The following REV1 variants were observed in gnomAD, a reference collection of about 807,000 sequenced individuals.
REV1 encodes the protein REV1 DNA directed polymerase.
In REV1, 42 loss-of-function variants were observed where a neutral mutation model predicts 137.4. That is an observed-to-expected ratio of 0.31 (90% CI 0.24 to 0.40). The LOEUF is 0.40. REV1 is among the 10% of genes least tolerant of loss of function. REV1 has a pLI of 1.00. For missense variants in REV1, 1,282 were observed against 1,490.1 expected (o/e 0.86, Z 2.30); for synonymous variants, 524 against 519.2 (o/e 1.01, Z -0.12).
chr2:99,488,704 G>T lies in REV1; in HGVS notation c.-11+1113C>A, dbSNP rs572404077. ...TGAAAGGTTGGTGGACAGATAGATG[G>T]TTCCCACAGGCTGATTTGCTACATA... On this transcript the variant is annotated intron_variant, in intron 1 of 22. Transcript: ENST00000258428. Among the ~76,000 whole-genome samples the T allele has an allele frequency of 6.6e-5, 10 of 152,302 alleles. No individual in the cohort carries two copies. In the East Asian group the frequency reaches 1.9e-3, roughly 29 times the overall value.
At position 99,442,494 on chromosome 2, in the gene REV1, T is replaced by C. The variant is rs756951991; in HGVS notation, c.351-25A>G. 1.3e-5 allele frequency: 21 copies of C among 1,608,440 alleles called. No homozygotes were observed. The South Asian group carries it at 2.2e-4, about 17-fold the overall frequency. ...GCTGAAACAAAAAGCAACACCAATT[T>C]AGAGTTCCATACTTGGTGACAATGA... On this transcript the variant is annotated intron_variant, in intron 4 of 22. Transcript: ENST00000258428.
chr2:99,428,969 G>A (rs934192867), intron 9 of REV1, among the ~76,000 whole-genome samples: 1 of 147,964 alleles, frequency 6.8e-6, no homozygotes, highest in Non-Finnish European at 1.5e-5. Context: ...TCCAGCCTGG[G>A]TGACAGAGCG....
chr2:99,405,329 T>TA (rs1676125811), intron 17 of REV1: 1 of 152,746 alleles, frequency 6.5e-6, no homozygotes, highest in Non-Finnish European at 1.5e-5. Flanking sequence ...TCTGTCGCCA[T>TA]ACAAGCATAT....
intron 1 of REV1, among the ~76,000 whole-genome samples, chr2:99,485,322 A>G (rs967579753): frequency 6.6e-6 from 1 of 152,210 alleles, no homozygotes; most frequent in African/African-American, 2.4e-5. Context: ...TATCTGCTAA[A>G]GAAAAATAAA....
chr2:99,409,090 C>T (rs1349052622), intron 14 of REV1, among the ~76,000 whole-genome samples: 1 of 152,114 alleles, frequency 6.6e-6, no homozygotes, highest in East Asian at 1.9e-4. Flanking sequence ...GCCTGGGCAA[C>T]AGAGCGAGAT....
rs193027923 is a variant in REV1, at chr2:99,454,660, C to A, written c.182-5156G>T. 5.3e-5 allele frequency among the ~76,000 whole-genome samples: 8 copies of A among 150,734 alleles called. No individual in the cohort carries two copies. The East Asian group carries it at 1.6e-3, about 30-fold the overall frequency. ...CTCAGGAGGCTGAGGCAGGAAGATCCGTTGAGCTCAGGAGTTTGGGGCTGC... is the reference window on the plus strand; with the variant it reads ...CTCAGGAGGCTGAGGCAGGAAGATCAGTTGAGCTCAGGAGTTTGGGGCTGC... On this transcript the variant is annotated intron_variant, in intron 3 of 22. Coordinates refer to ENST00000258428, the MANE Select transcript of REV1 (RefSeq NM_016316.4).
rs774570960 is a variant in REV1 at position 99,403,044 on chromosome 2, T to C, written c.3229A>G (p.Lys1077Glu). 1.4e-5 allele frequency: 23 copies of C among 1,613,862 alleles called. No individual in the cohort carries two copies. The highest frequency in any genetic ancestry group is 8.0e-5 in the African/African-American group (6 of 74,868). ...CTTTTTGGTGAACCAATGGTTTTTT[T>C]CTTCTTGTTTCTTTTCTTTTCTTTC... is the stretch of plus-strand genomic sequence containing the variant. ...AVKEKKRNKKKKTIGSPKRIQ... is the reference protein window; with the variant it reads ...AVKEKKRNKKEKTIGSPKRIQ... The change falls in exon 20 of 23, where the codon AAA (lysine) becomes GAA (glutamate). Residue 1077 changes from lysine to glutamate, a missense_variant. This residue lies in a region of REV1 where 170 missense variants were observed against 156.8 expected (regional missense o/e 1.08). Transcript: ENST00000258428.
chr2:99,403,543 A>ATT, intron 19 of REV1, 152 bp downstream of exon 19: 1 of 900,440 alleles, frequency 1.1e-6, no homozygotes, highest in Non-Finnish European at 1.7e-6. Context: ...GATGATATTT[A>ATT]CTCATACTGT....
chr2:99,447,449 C>T (rs1682367410), intron 4 of REV1, among the ~76,000 whole-genome samples: 1 of 152,156 alleles, frequency 6.6e-6, no homozygotes, highest in South Asian at 2.1e-4. Flanking sequence ...GGATTACAGG[C>T]GTGAGCCACC....
intron 10 of REV1, among the ~76,000 whole-genome samples, chr2:99,422,906 T>C (rs1335012010): frequency 1.3e-5 from 2 of 152,146 alleles, no homozygotes; most frequent in African/African-American, 4.8e-5. Context: ...CCCATCCCTA[T>C]CTAGCCCTCG....
At chr2:99,427,178 T>C (rs1436170949) in intron 9 of REV1, among the ~76,000 whole-genome samples, 3 of 152,074 alleles carry the variant, frequency 2.0e-5, no homozygotes, top group East Asian at 1.9e-4. Flanking sequence ...CAAGACTTCA[T>C]CTCTGGGGGA....
chr2:99,403,476 G>C, intron 19 of REV1: 1 of 634,088 alleles, frequency 1.6e-6, no homozygotes, highest in South Asian at 2.2e-5. Context: ...TTTTTAAAAA[G>C]TAAAAAGTGG....
intron 7 of REV1, 135 bp downstream of exon 7, chr2:99,435,699 C>A: frequency 9.2e-6 from 5 of 544,766 alleles, no homozygotes; most frequent in Non-Finnish European, 1.3e-5. Flanking sequence ...CCCTGATAAT[C>A]GAATATAGAA....
chr2:99,474,989 T>G (rs1685813658), intron 1 of REV1, among the ~76,000 whole-genome samples: 2 of 152,252 alleles, frequency 1.3e-5, no homozygotes, highest in Admixed American at 1.3e-4. Context: ...CAAGTCATAA[T>G]CAGTCATATT....
chr2:99,479,891 G>A (rs1257500008), intron 1 of REV1, among the ~76,000 whole-genome samples: 2 of 152,148 alleles, frequency 1.3e-5, no homozygotes, highest in African/African-American at 4.8e-5. Flanking sequence ...AGACACCCAA[G>A]AAAGCATCAC....
intron 14 of REV1, among the ~76,000 whole-genome samples, chr2:99,409,147 A>G (rs1676745064): frequency 6.6e-6 from 1 of 152,180 alleles, no homozygotes; most frequent in African/African-American, 2.4e-5. Context: ...ATAAATGACC[A>G]CTATTTACTA....
chr2:99,402,445 T>TCACTAA (rs1481900989), intron 21 of REV1, 99 bp from the exon 22 acceptor site: 1 of 791,116 alleles, frequency 1.3e-6, no homozygotes, highest in South Asian at 1.6e-5. Context: ...TACAACTATG[T>TCACTAA]CACTAACAGC....
intron 11 of REV1, among the ~76,000 whole-genome samples, chr2:99,421,016 A>G (rs1015792908): frequency 1.2e-4 from 18 of 152,190 alleles, no homozygotes; most frequent in African/African-American, 3.9e-4. Context: ...AACAAAGTAC[A>G]AGGTTTAAAG....
Position 99,442,473 on chromosome 2 carries a change from A to T in REV1, c.351-4T>A. On this transcript the variant is annotated splice_region_variant and splice_polypyrimidine_tract_variant and intron_variant, in intron 4 of 22. Transcript: ENST00000258428. ...GAGGAGTCGTCCAGCTTTGATGCTGAAACAAAAAGCAACACCAATTTAGAG... is the reference window on the plus strand; with the variant it reads ...GAGGAGTCGTCCAGCTTTGATGCTGTAACAAAAAGCAACACCAATTTAGAG... 6.2e-7 allele frequency: 1 copy of T among 1,611,088 alleles called. No individual in the cohort carries two copies. Among genetic ancestry groups the T allele is most frequent in the Non-Finnish European group, 8.5e-7 (1 of 1,179,108 alleles).
Sources: allele counts gnomAD v4.1 joint callset (sites outside exome capture counted in the v4.1 genomes callset), GRCh38; gene constraint gnomAD v4.1.1; regional missense constraint gnomAD v4.1.1; transcripts MANE v1.5; gene names NCBI Gene and HGNC (gene_info 2026-07-23, HGNC 2026-07-21).